The following MAP2K1 variants were observed in gnomAD, a reference collection of about 807,000 sequenced individuals.
MAP2K1 encodes mitogen-activated protein kinase kinase 1, also known as dual specificity mitogen-activated protein kinase kinase 1.
Under a neutral mutation model 46.3 loss-of-function variants are expected in MAP2K1, and 16 were observed. The observed-to-expected ratio is 0.35, with a 90% CI of 0.23 to 0.52. The LOEUF is 0.52. Among genes scored for constraint, MAP2K1 ranks in the 20% least tolerant of loss-of-function variants. The probability of loss-of-function intolerance (pLI) is 0.94; values close to 1 mark genes in which losing one functional copy is unlikely to be tolerated. For synonymous variants in MAP2K1, 183 were observed against 185.6 expected (o/e 0.99, Z 0.11); for missense variants, 263 against 497.1 (o/e 0.53, Z 4.48).
At chr15:66,435,964 C>T (rs778702608) in intron 2 of MAP2K1, among the ~76,000 whole-genome samples, 1 of 152,192 alleles carries the variant, frequency 6.6e-6, no homozygotes, top group African/African-American at 2.4e-5. Context: ...GCTGGACTTC[C>T]CTTTCCTATC....
At chr15:66,490,094 G>A in intron 10 of MAP2K1, 1 of 532,262 alleles carries the variant, frequency 1.9e-6, no homozygotes, top group East Asian at 3.3e-5. Context: ...TCCTTCCAGA[G>A]TCACTCTCCG....
At chr15:66,441,558 C>A (rs1350895766) in intron 3 of MAP2K1, among the ~76,000 whole-genome samples, 1 of 152,042 alleles carries the variant, frequency 6.6e-6, no homozygotes, top group Non-Finnish European at 1.5e-5. Context: ...GTGGTCCCAA[C>A]TACACGGAAG....
chr15:66,411,990 C>G (rs1162665629), intron 1 of MAP2K1, among the ~76,000 whole-genome samples: 1 of 152,176 alleles, frequency 6.6e-6, no homozygotes, highest in Non-Finnish European at 1.5e-5. Flanking sequence ...ACTTCAAGTT[C>G]AGGGTTGTTT....
At chr15:66,391,288 C>G (rs1298286008) in intron 1 of MAP2K1, among the ~76,000 whole-genome samples, 2 of 152,164 alleles carry the variant, frequency 1.3e-5, no homozygotes, top group Non-Finnish European at 2.9e-5. Context: ...TTAAGCACAG[C>G]ACTGCCTTTT....
chr15:66,409,367 C>T (rs969172181), intron 1 of MAP2K1, among the ~76,000 whole-genome samples: 1 of 152,108 alleles, frequency 6.6e-6, no homozygotes, highest in Non-Finnish European at 1.5e-5. Context: ...AGCCTTATGC[C>T]TGGCACAGAG....
intron 1 of MAP2K1, among the ~76,000 whole-genome samples, chr15:66,420,904 C>T (rs1291251659): frequency 1.4e-4 from 18 of 125,734 alleles, no homozygotes; most frequent in East Asian, 8.0e-4. Flanking sequence ...CACATACATA[C>T]ATACACACAC....
intron 5 of MAP2K1, among the ~76,000 whole-genome samples, chr15:66,468,053 T>G (rs1410541865): frequency 6.6e-6 from 1 of 152,254 alleles, no homozygotes; most frequent in Non-Finnish European, 1.5e-5. Context: ...TAAAGGTAGC[T>G]TATCTATCAA....
intron 5 of MAP2K1, among the ~76,000 whole-genome samples, chr15:66,455,972 G>C (rs1436904402): frequency 6.6e-6 from 1 of 152,196 alleles, no homozygotes; most frequent in Non-Finnish European, 1.5e-5. Context: ...GTATAGATCT[G>C]TCACCCCTTT....
chr15:66,469,177 A>G (rs1427255945), intron 5 of MAP2K1, among the ~76,000 whole-genome samples: 3 of 151,404 alleles, frequency 2.0e-5, no homozygotes, highest in Non-Finnish European at 4.4e-5. Context: ...AATCGCTTGA[A>G]CCCAGGAGGT....
At chr15:66,467,006 T>C (rs1892484113) in intron 5 of MAP2K1, among the ~76,000 whole-genome samples, 1 of 152,006 alleles carries the variant, frequency 6.6e-6, no homozygotes, top group South Asian at 2.1e-4. Context: ...GGGCTGGGCA[T>C]GGTGGATCAC....
chr15:66,454,741 G>A (rs546924320), intron 5 of MAP2K1, among the ~76,000 whole-genome samples: 10 of 152,150 alleles, frequency 6.6e-5, no homozygotes, highest in African/African-American at 2.4e-4. Flanking sequence ...AAATTAGCTC[G>A]GCGTGGTGCC....
chr15:66,437,738 A>G (rs1417062535), intron 3 of MAP2K1, among the ~76,000 whole-genome samples: 1 of 152,200 alleles, frequency 6.6e-6, no homozygotes, highest in African/African-American at 2.4e-5. Flanking sequence ...ACCTCTCTTC[A>G]TTGTAATGAT....
intron 5 of MAP2K1, chr15:66,446,679 G>T (rs1458593392): frequency 7.6e-6 from 3 of 395,644 alleles, no homozygotes; most frequent in East Asian, 7.5e-5. Context: ...TTTCATCTCG[G>T]GCATAAACAC....
intron 5 of MAP2K1, among the ~76,000 whole-genome samples, chr15:66,458,420 T>A (rs1892227080): frequency 2.0e-5 from 3 of 152,250 alleles, no homozygotes; most frequent in Admixed American, 2.0e-4. Context: ...TTTTAAATTA[T>A]AACTCAACTT....
chr15:66,476,096 G>T (rs1274011610), intron 5 of MAP2K1, among the ~76,000 whole-genome samples: 2 of 152,180 alleles, frequency 1.3e-5, no homozygotes, highest in Non-Finnish European at 2.9e-5. Flanking sequence ...TTTGAGGAAG[G>T]AGGGGTTACC....
chr15:66,475,502 A>T (rs1595881967), intron 5 of MAP2K1, among the ~76,000 whole-genome samples: 1 of 151,720 alleles, frequency 6.6e-6, no homozygotes, highest in African/African-American at 2.4e-5. Context: ...TGGGCTCCCC[A>T]CTTCACCCCT....
intron 3 of MAP2K1, among the ~76,000 whole-genome samples, chr15:66,439,828 A>G (rs916612517): frequency 1.3e-5 from 2 of 151,184 alleles, no homozygotes; most frequent in Non-Finnish European, 1.5e-5. Context: ...CCAGCTACTC[A>G]GGAAGCTGAG....
At chr15:66,457,143 G>A (rs962919619) in intron 5 of MAP2K1, among the ~76,000 whole-genome samples, 1 of 152,124 alleles carries the variant, frequency 6.6e-6, no homozygotes, top group Non-Finnish European at 1.5e-5. Context: ...TTTTGAGACC[G>A]AGTCTCGCTC....
intron 5 of MAP2K1, among the ~76,000 whole-genome samples, chr15:66,461,045 G>A (rs777493787): frequency 2.0e-5 from 3 of 152,140 alleles, no homozygotes; most frequent in Non-Finnish European, 4.4e-5. Context: ...CCTTTCCTAA[G>A]TTACAGATTA....
Sources: gnomAD v4.1 joint callset for allele counts (sites outside exome capture counted in the v4.1 genomes callset) on GRCh38, gnomAD v4.1.1 for gene constraint, MANE v1.5 for transcripts, NCBI Gene and HGNC (gene_info 2026-07-23, HGNC 2026-07-21) for gene names.